Variants in TTC6 observed in about 807,000 individuals in gnomAD.
The protein encoded by TTC6 is tetratricopeptide repeat protein 6.
In TTC6, 172 loss-of-function variants were observed where a neutral mutation model predicts 210.4. The ratio of observed to expected loss-of-function variants is 0.82; its 90% CI spans 0.72 to 0.93. TTC6 has a LOEUF of 0.93. TTC6 is among the 40% of genes least tolerant of loss of function. TTC6 has a pLI of 0.00. For synonymous variants in TTC6, 804 were observed against 819.6 expected (o/e 0.98, Z 0.32); for missense variants, 2,414 against 2,318.1 (o/e 1.04, Z -0.85).
At position 37,727,494 on chromosome 14, in the gene TTC6, T is replaced by C. The variant is rs1195794180; in HGVS notation, c.1818+2492T>C. ...ATTTTTAGTAGAGATGGGGTTTCAC[T>C]GTTTTAGCTAGGATGGTCTTGATCT... is the stretch of plus-strand genomic sequence containing the variant. On this transcript the variant is annotated intron_variant, in intron 7 of 30. Transcript: ENST00000553443. 1.2e-4 allele frequency among the ~76,000 whole-genome samples: 18 copies of C among 151,580 alleles called. 1 individual carries two copies. The highest frequency in any genetic ancestry group is 1.1e-3 in the Admixed American group (17 of 15,202).
At chr14:37,697,056 T>G (rs1203663839) in intron 4 of TTC6, among the ~76,000 whole-genome samples, 3 of 152,138 alleles carry the variant, frequency 2.0e-5, no homozygotes, top group Non-Finnish European at 4.4e-5. Context: ...GTACTTACTT[T>G]CATGATGTAA....
intron 27 of TTC6, 80 bp downstream of exon 29, chr14:37,824,037 T>C (rs2096164586): frequency 1.6e-6 from 2 of 1,252,784 alleles, no homozygotes; most frequent in Non-Finnish European, 2.3e-6. Context: ...GCAATGGGAG[T>C]ATATGTTATT....
At chr14:37,768,660 A>G (rs1162103301) in intron 14 of TTC6, among the ~76,000 whole-genome samples, 1 of 151,036 alleles carries the variant, frequency 6.6e-6, no homozygotes, top group East Asian at 2.0e-4. Context: ...TTGTATCCTG[A>G]GACTTTGCTG....
chr14:37,765,428 A>G (rs2095996279), intron 14 of TTC6, among the ~76,000 whole-genome samples: 1 of 149,972 alleles, frequency 6.7e-6, no homozygotes, highest in Non-Finnish European at 1.5e-5. Flanking sequence ...CAATCCCCCA[A>G]CTTTGTGATC....
At chr14:37,736,741 C>T (rs576447912) in intron 8 of TTC6, among the ~76,000 whole-genome samples, 3 of 152,140 alleles carry the variant, frequency 2.0e-5, no homozygotes, top group Non-Finnish European at 4.4e-5. Context: ...TTATTTTTCT[C>T]TCACTAGTGC....
At chr14:37,840,362 A>G (rs1286621902) in intron 29 of TTC6, among the ~76,000 whole-genome samples, 1 of 151,970 alleles carries the variant, frequency 6.6e-6, no homozygotes, top group Non-Finnish European at 1.5e-5. Context: ...CCTACCAACC[A>G]AAAAAAATCC....
intron 1 of TTC6, among the ~76,000 whole-genome samples, chr14:37,639,668 C>T (rs780189515): frequency 9.0e-5 from 13 of 144,452 alleles, no homozygotes; most frequent in African/African-American, 1.6e-4. Context: ...CTCAGGAATT[C>T]GAGACCAGCC....
intron 1 of TTC6, among the ~76,000 whole-genome samples, chr14:37,630,525 G>A (rs753211879): frequency 1.3e-5 from 2 of 152,174 alleles, no homozygotes; most frequent in Admixed American, 1.3e-4. Flanking sequence ...TAGAATAAGT[G>A]CGATGTGATG....
exon 3 of TTC6, chr14:37,682,814 G>A: frequency 6.5e-7 from 1 of 1,535,652 alleles, no homozygotes; most frequent in Non-Finnish European, 8.7e-7. Flanking sequence ...TTGAACAAGA[G>A]GATATAGAAT....
chr14:37,746,130 A>G (rs768822864), intron 10 of TTC6, among the ~76,000 whole-genome samples: 13 of 152,142 alleles, frequency 8.5e-5, no homozygotes, highest in Non-Finnish European at 1.6e-4. Context: ...TGTATCTACC[A>G]TATCTGTAGT....
chr14:37,696,818 TA>T lies in TTC6; in HGVS notation c.1365del (p.Lys455AsnfsTer58). 1.4e-6 allele frequency: 2 copies of T among 1,383,100 alleles called. No homozygotes were observed. The highest frequency in any genetic ancestry group is 1.9e-6 in the Non-Finnish European group (2 of 1,064,318). 85.7% of individuals were successfully genotyped at this position (1,383,100 alleles called of 1,614,324 possible). A position where few individuals can be genotyped will look rare whatever the true frequency, so the allele number is the denominator to read the frequency against. On this transcript the variant is annotated frameshift_variant, in exon 4 of 31. Coordinates refer to ENST00000553443, the Ensembl canonical transcript of TTC6. LOFTEE classifies it high-confidence loss of function. The stretch of plus-strand genomic sequence containing the variant: ...GAAAGTCTTCAAAACCTCTTTGTGA[TA>T]AAAAACTACATAAAAAGTAATTTTC...
intron 10 of TTC6, among the ~76,000 whole-genome samples, chr14:37,739,887 G>A (rs1462408356): frequency 4.0e-5 from 6 of 151,848 alleles, no homozygotes; most frequent in South Asian, 2.1e-4. Context: ...TTTTGGGCCC[G>A]GTGCAGTGAC....
chr14:37,815,069 A>G (rs906620873), intron 25 of TTC6, among the ~76,000 whole-genome samples: 4 of 152,090 alleles, frequency 2.6e-5, no homozygotes, highest in African/African-American at 9.7e-5. Context: ...CCTCTTGAAA[A>G]CCTACCAAGA....
chr14:37,615,109 C>T (rs919090764), intron 2 of TTC6, among the ~76,000 whole-genome samples: 2 of 152,160 alleles, frequency 1.3e-5, no homozygotes, highest in East Asian at 1.9e-4. Flanking sequence ...GTCTTCTGTT[C>T]TTAGGGGTGT....
chr14:37,671,192 G>T (rs941777473), intron 1 of TTC6, among the ~76,000 whole-genome samples: 2 of 152,162 alleles, frequency 1.3e-5, no homozygotes, highest in African/African-American at 4.8e-5. Flanking sequence ...TGGCAATTTG[G>T]TGCTGGTTGT....
At chr14:37,750,628 T>A (rs1418256083) in intron 12 of TTC6, among the ~76,000 whole-genome samples, 1 of 152,210 alleles carries the variant, frequency 6.6e-6, no homozygotes, top group African/African-American at 2.4e-5. Context: ...GGCTTACGCC[T>A]GTAATCCCAG....
intron 27 of TTC6, 139 bp from the exon 30 acceptor site, chr14:37,826,056 T>C: frequency 1.2e-6 from 1 of 815,416 alleles, no homozygotes. Context: ...GTATGCCTAC[T>C]TTCTGGTTTG....
intron 1 of TTC6, among the ~76,000 whole-genome samples, chr14:37,600,774 T>A (rs2095614250): frequency 6.6e-6 from 1 of 152,250 alleles, no homozygotes; most frequent in Non-Finnish European, 1.5e-5. Context: ...TTATCTTCAT[T>A]ACTTAAAATT....
chr14:37,761,687 G>A (rs1221442998), intron 14 of TTC6, among the ~76,000 whole-genome samples: 2 of 151,978 alleles, frequency 1.3e-5, no homozygotes, highest in Non-Finnish European at 2.9e-5. Flanking sequence ...AAATAAGTAT[G>A]TGTTCGTAAA....
Sources: allele counts gnomAD v4.1 joint callset (sites outside exome capture counted in the v4.1 genomes callset), GRCh38; gene constraint gnomAD v4.1.1; transcripts MANE v1.5; gene names NCBI Gene and HGNC (gene_info 2026-07-23, HGNC 2026-07-21).